The following VPS13D variants were observed in gnomAD, a reference collection of about 807,000 sequenced individuals.
The protein encoded by VPS13D is intermembrane lipid transfer protein VPS13D.
Under a neutral mutation model 461.9 loss-of-function variants are expected in VPS13D, and 187 were observed. The observed-to-expected ratio is 0.40, with a 90% CI of 0.36 to 0.46. VPS13D has a LOEUF of 0.46. VPS13D is among the 20% of genes least tolerant of loss of function. VPS13D has a pLI of 0.60. For missense variants in VPS13D, 4,711 were observed against 5,364.9 expected (o/e 0.88, Z 3.81); for synonymous variants, 1,951 against 1,986.3 (o/e 0.98, Z 0.47).
chr1:12,432,956 C>T (rs1238460380), intron 65 of VPS13D, among the ~76,000 whole-genome samples: 2 of 152,216 alleles, frequency 1.3e-5, no homozygotes, highest in Admixed American at 1.3e-4. Context: ...AACAAAATGA[C>T]TGCCCCACCA....
chr1:12,323,572 AGTCCAGTTTT>A (rs1242466250), intron 34 of VPS13D, 124 bp from the exon 35 acceptor site: 1 of 744,018 alleles, frequency 1.3e-6, no homozygotes, highest in Non-Finnish European at 2.2e-6. Flanking sequence ...TCCAATTAGG[AGTCCAGTTTT>A]GCTTAGAGAA....
chr1:12,425,482 C>T (rs756971658), intron 65 of VPS13D, among the ~76,000 whole-genome samples: 1 of 151,948 alleles, frequency 6.6e-6, no homozygotes, highest in Non-Finnish European at 1.5e-5. Flanking sequence ...TCGCTTGAAC[C>T]CAGGAGGCGG....
intron 6 of VPS13D, among the ~76,000 whole-genome samples, chr1:12,250,865 T>C (rs1168472125): frequency 6.6e-6 from 1 of 152,242 alleles, no homozygotes; most frequent in Non-Finnish European, 1.5e-5. Context: ...TGCTCATTAG[T>C]GTTGTCCACG....
chr1:12,262,464 G>C lies in VPS13D; in HGVS notation c.1594+384G>C, dbSNP rs2101293775. On this transcript the variant is annotated intron_variant, in intron 13 of 69. Transcript: ENST00000620676. The stretch of plus-strand genomic sequence containing the variant: ...TGAATTTTGATCTTTTCCTGGGCTA[G>C]AGATAGGTAGTATGATATTCTCTGA... Among the ~76,000 whole-genome samples, 3 of 152,316 alleles carry C rather than the reference G, an allele frequency of 2.0e-5. No homozygotes were observed. The South Asian group carries it at 6.2e-4, about 32-fold the overall frequency.
At chr1:12,468,354 C>T (rs984418077) in intron 67 of VPS13D, among the ~76,000 whole-genome samples, 7 of 152,202 alleles carry the variant, frequency 4.6e-5, no homozygotes, top group Non-Finnish European at 7.3e-5. Context: ...CTATCCCATG[C>T]CTCATGTTTT....
At chr1:12,322,935 C>G (rs1467556177) in intron 34 of VPS13D, among the ~76,000 whole-genome samples, 189 bp downstream of exon 34, 1 of 152,188 alleles carries the variant, frequency 6.6e-6, no homozygotes, top group Non-Finnish European at 1.5e-5. Context: ...CCCTAACCAA[C>G]TACTCCACTA....
chr1:12,288,505 T>C (rs1304700863), intron 22 of VPS13D, among the ~76,000 whole-genome samples, 192 bp downstream of exon 22: 1 of 152,126 alleles, frequency 6.6e-6, no homozygotes, highest in Non-Finnish European at 1.5e-5. Context: ...TCTGGATAGC[T>C]TGTTAAAAGT....
chr1:12,443,195 T>TTAAATTAAATA (rs1645150811), intron 65 of VPS13D, among the ~76,000 whole-genome samples: 1 of 152,260 alleles, frequency 6.6e-6, no homozygotes, highest in Non-Finnish European at 1.5e-5. Flanking sequence ...ACATATATTT[T>TTAAATTAAATA]TAATTCTGCC....
At chr1:12,232,183 C>T (rs1640000691) in intron 1 of VPS13D, among the ~76,000 whole-genome samples, 1 of 152,022 alleles carries the variant, frequency 6.6e-6, no homozygotes, top group Non-Finnish European at 1.5e-5. Flanking sequence ...AGAAATTGGT[C>T]AAATATTTTA....
At chr1:12,416,955 C>A in intron 65 of VPS13D, 128 bp downstream of exon 65, 2 of 1,075,150 alleles carry the variant, frequency 1.9e-6, no homozygotes, top group Non-Finnish European at 2.5e-6. Context: ...GCCCACATGC[C>A]TTGCCTTTTC....
chr1:12,338,358 C>A (rs1471120754), intron 40 of VPS13D, 53 bp downstream of exon 40: 2 of 1,556,524 alleles, frequency 1.3e-6, no homozygotes, highest in Non-Finnish European at 1.8e-6. Flanking sequence ...TAAGAACTTC[C>A]TTGTACATCA....
chr1:12,302,050 C>G (rs1413565659), intron 25 of VPS13D, among the ~76,000 whole-genome samples: 1 of 152,172 alleles, frequency 6.6e-6, no homozygotes, highest in Non-Finnish European at 1.5e-5. Context: ...GCCTGTTGCT[C>G]CTAGAATACA....
At position 12,299,773 on chromosome 1, in the gene VPS13D, C is replaced by T. The variant is rs1191083784; in HGVS notation, c.6216+389C>T. On this transcript the variant is annotated intron_variant, in intron 25 of 69. Coordinates refer to ENST00000620676, the MANE Select transcript of VPS13D (RefSeq NM_015378.4). This position sits in a 1 kb window ranked among gnomAD's most constrained non-coding sequence, Gnocchi z 4.2. ...AAAAGCATTCCTTCTATAATATAAA[C>T]GTTTTAGACTCTGTGGCTTTTTTCA... 1.3e-5 allele frequency among the ~76,000 whole-genome samples: 2 copies of T among 151,988 alleles called. No homozygotes were observed. Among genetic ancestry groups the T allele is most frequent in the Admixed American group, 6.6e-5 (1 of 15,258 alleles).
chr1:12,258,157 C>T (rs1336805143), intron 10 of VPS13D, 54 bp downstream of exon 10: 1 of 1,588,512 alleles, frequency 6.3e-7, no homozygotes. Flanking sequence ...TAAGAATGTT[C>T]TCTCAAAGAC....
At chr1:12,254,959 T>A (rs1640867627) in intron 7 of VPS13D, among the ~76,000 whole-genome samples, 1 of 151,976 alleles carries the variant, frequency 6.6e-6, no homozygotes, top group East Asian at 1.9e-4. Context: ...TCTTTTTTTT[T>A]TTTTGAGACG....
rs1311672673 is a variant in VPS13D at position 12,338,250 on chromosome 1, T to C, written c.8571T>C (p.Leu2857=). ...CFGQSLPLVY[L]RTRSTASLTN... ...TACCAGGCCTCCCCCTTGTCTACCT[T>C]AGAACTAGGAGTACAGCCAGTCTGA... The change falls in exon 40 of 70, where the codon CTT becomes CTC. Residue 2857 remains leucine, a synonymous_variant. Coordinates refer to ENST00000620676, the MANE Select transcript of VPS13D (RefSeq NM_015378.4). 4.3e-6 allele frequency: 7 copies of C among 1,613,708 alleles called. No individual in the cohort carries two copies. Among genetic ancestry groups the C allele is most frequent in the Non-Finnish European group, 5.9e-6 (7 of 1,179,722 alleles).
chr1:12,413,560 C>T (rs1160686153), intron 63 of VPS13D, among the ~76,000 whole-genome samples: 1 of 152,178 alleles, frequency 6.6e-6, no homozygotes, highest in Non-Finnish European at 1.5e-5. Flanking sequence ...TGGCCTTGAC[C>T]TTCAAAGTCC....
chr1:12,299,189 C>A lies in VPS13D; in HGVS notation c.6034-13C>A. The A allele has an allele frequency of 6.5e-7, 1 of 1,547,858 alleles. No individual in the cohort carries two copies. The highest frequency in any genetic ancestry group is 8.7e-7 in the Non-Finnish European group (1 of 1,151,184). On this transcript the variant is annotated splice_polypyrimidine_tract_variant and intron_variant, in intron 24 of 69. Transcript: ENST00000620676. The surrounding 1 kb of genome is among the most constrained non-coding windows in gnomAD (Gnocchi z 4.2). ...TTAATTATCCTCTGAGTCAGTTTTC[C>A]TTCCTCTTTCAGGTGAGAGATCAAG...
intron 25 of VPS13D, among the ~76,000 whole-genome samples, chr1:12,303,834 T>C (rs1006143496): frequency 6.6e-6 from 1 of 152,258 alleles, no homozygotes; most frequent in African/African-American, 2.4e-5. Flanking sequence ...TGAATTGTTC[T>C]GGTGAAATAG....
Sources: allele counts gnomAD v4.1 joint callset (sites outside exome capture counted in the v4.1 genomes callset), GRCh38; gene constraint gnomAD v4.1.1; non-coding constraint Gnocchi (gnomAD v3.1); transcripts MANE v1.5; gene names NCBI Gene and HGNC (gene_info 2026-07-23, HGNC 2026-07-21).